The following CCSER1 variants were observed in gnomAD, a reference collection of about 807,000 sequenced individuals.
The protein encoded by CCSER1 is serine-rich coiled-coil domain-containing protein 1.
A neutral mutation model predicts 82.0 loss-of-function variants in CCSER1; 41 were observed. The observed-to-expected ratio is 0.50, with a 90% CI of 0.39 to 0.65. The LOEUF (loss-of-function observed/expected upper bound fraction) is 0.65. Among genes scored for constraint, CCSER1 ranks in the 30% least tolerant of loss-of-function variants. The pLI, the probability that CCSER1 is intolerant of heterozygous loss-of-function variation, is 0.00. For missense variants in CCSER1, 1,119 were observed against 1,064.2 expected (o/e 1.05, Z -0.72); for synonymous variants, 414 against 383.9 (o/e 1.08, Z -0.92).
At chr4:90,615,450 GGGA>G (rs780203202) in intron 5 of CCSER1, among the ~76,000 whole-genome samples, 3 of 152,132 alleles carry the variant, frequency 2.0e-5, no homozygotes, top group Non-Finnish European at 4.4e-5. Flanking sequence ...TGTAATTCAT[GGGA>G]GGAGGACAAA....
chr4:90,790,883 A>T (rs1290387992), intron 7 of CCSER1, among the ~76,000 whole-genome samples: 1 of 152,086 alleles, frequency 6.6e-6, no homozygotes, highest in African/African-American at 2.4e-5. Flanking sequence ...CCCAGTTCCA[A>T]AGTCACTTCC....
intron 10 of CCSER1, among the ~76,000 whole-genome samples, chr4:91,415,241 GT>G (rs975402874): frequency 2.0e-4 from 30 of 152,188 alleles, no homozygotes; most frequent in African/African-American, 7.0e-4. Context: ...AATGCTAGCA[GT>G]TTTTGCAGAT....
chr4:90,979,321 T>A (rs7691726), intron 9 of CCSER1, among the ~76,000 whole-genome samples: 41,527 of 151,362 alleles, frequency 0.27, 6,889 homozygotes, highest in East Asian at 0.38. Context: ...TTTGATATTG[T>A]AGACTTATCA....
intron 10 of CCSER1, among the ~76,000 whole-genome samples, chr4:91,415,397 C>A (rs1753299529): frequency 1.3e-5 from 2 of 152,028 alleles, no homozygotes; most frequent in African/African-American, 2.4e-5. Context: ...TTTGAATATC[C>A]TTTATTTCTT....
At chr4:91,062,162 A>C (rs1744010112) in intron 9 of CCSER1, among the ~76,000 whole-genome samples, 2 of 152,046 alleles carry the variant, frequency 1.3e-5, no homozygotes, top group Admixed American at 1.3e-4. Flanking sequence ...TGCAGTTAGC[A>C]GAAAGTTTAG....
chr4:90,131,462 C>A (rs1268030330), intron 1 of CCSER1, among the ~76,000 whole-genome samples: 1 of 152,038 alleles, frequency 6.6e-6, no homozygotes, highest in Non-Finnish European at 1.5e-5. Flanking sequence ...TTCGGTATTT[C>A]CCTAAGCAAA....
intron 10 of CCSER1, among the ~76,000 whole-genome samples, chr4:91,500,584 A>C (rs995133757): frequency 1.3e-4 from 19 of 151,960 alleles, no homozygotes; most frequent in African/African-American, 4.6e-4. Flanking sequence ...GGTGCTTGAA[A>C]ATATCTTTTG....
At chr4:90,601,552 A>G (rs749727672) in intron 5 of CCSER1, among the ~76,000 whole-genome samples, 1 of 151,548 alleles carries the variant, frequency 6.6e-6, no homozygotes, top group Non-Finnish European at 1.5e-5. Flanking sequence ...ATGCTATTTT[A>G]TTTAGTTCCA....
intron 10 of CCSER1, among the ~76,000 whole-genome samples, chr4:91,485,954 T>C (rs1176720661): frequency 1.3e-5 from 2 of 152,074 alleles, no homozygotes; most frequent in Non-Finnish European, 2.9e-5. Flanking sequence ...GTCCTCAGTA[T>C]GTAGGAAAAT....
chr4:91,437,054 C>T (rs1371868090), intron 10 of CCSER1, among the ~76,000 whole-genome samples: 1 of 152,144 alleles, frequency 6.6e-6, no homozygotes, highest in East Asian at 1.9e-4. Context: ...CATGAATTAT[C>T]AAAGCCCTGG....
At chr4:90,290,741 T>C (rs938021021) in intron 1 of CCSER1, among the ~76,000 whole-genome samples, 1 of 152,096 alleles carries the variant, frequency 6.6e-6, no homozygotes, top group East Asian at 1.9e-4. Flanking sequence ...GGAAAGTCGC[T>C]TAAAACTTTT....
At chr4:90,428,422 C>T (rs1310631284) in intron 4 of CCSER1, among the ~76,000 whole-genome samples, 2 of 151,902 alleles carry the variant, frequency 1.3e-5, no homozygotes, top group African/African-American at 4.8e-5. Context: ...CAAAACTTAA[C>T]TCTTAATAGC....
At chr4:91,029,414 T>G (rs1740778588) in intron 9 of CCSER1, among the ~76,000 whole-genome samples, 1 of 152,034 alleles carries the variant, frequency 6.6e-6, no homozygotes, top group African/African-American at 2.4e-5. Flanking sequence ...AGAAATAATC[T>G]ACCCAAATAC....
chr4:90,811,604 T>G (rs1321044969), intron 7 of CCSER1, among the ~76,000 whole-genome samples: 3 of 152,156 alleles, frequency 2.0e-5, no homozygotes, highest in Non-Finnish European at 4.4e-5. Flanking sequence ...AAGTGGAGAT[T>G]AAATTTGGTT....
intron 8 of CCSER1, among the ~76,000 whole-genome samples, chr4:90,910,193 G>T (rs1465380995): frequency 6.6e-6 from 1 of 152,182 alleles, no homozygotes; most frequent in East Asian, 1.9e-4. Context: ...GGAACAGCAA[G>T]GGGGAAATCT....
chr4:90,581,129 T>C (rs1047411523), intron 5 of CCSER1, among the ~76,000 whole-genome samples: 2 of 152,122 alleles, frequency 1.3e-5, no homozygotes, highest in Non-Finnish European at 2.9e-5. Flanking sequence ...AAAGATGGGT[T>C]AATAAATATA....
intron 3 of CCSER1, among the ~76,000 whole-genome samples, chr4:90,384,204 A>C: frequency 6.6e-6 from 1 of 151,708 alleles, no homozygotes; most frequent in East Asian, 1.9e-4. Flanking sequence ...GGTTTGTTAC[A>C]TATGTATATA....
At chr4:90,219,851 C>A (rs1361421777) in intron 1 of CCSER1, among the ~76,000 whole-genome samples, 1 of 152,054 alleles carries the variant, frequency 6.6e-6, no homozygotes, top group African/African-American at 2.4e-5. Flanking sequence ...CTTTAGATTG[C>A]TTCTATAAAT....
Position 91,157,226 on chromosome 4 carries a change from A to G in CCSER1, c.2217+71232A>G, listed in dbSNP as rs186641057. On this transcript the variant is annotated intron_variant, in intron 10 of 10. Transcript: ENST00000509176. ...AGCAGCCAAAACTTATGTTGTTGTT[A>G]TTCGAAATCAGACTTATTTACCAGA... Among the ~76,000 whole-genome samples, 1,172 of 152,130 alleles carry G rather than the reference A, an allele frequency of 7.7e-3. 28 individuals carry two copies. Among genetic ancestry groups the G allele is most frequent in the South Asian group, 0.017 (82 of 4,824 alleles).
Sources: allele counts gnomAD v4.1 joint callset (sites outside exome capture counted in the v4.1 genomes callset), GRCh38; gene constraint gnomAD v4.1.1; transcripts MANE v1.5; gene names NCBI Gene and HGNC (gene_info 2026-07-23, HGNC 2026-07-21).